GPATCH1: variants seen among roughly 807,000 people sequenced by gnomAD.
The protein encoded by GPATCH1 is G patch domain-containing protein 1.
GPATCH1 carries 73 observed loss-of-function variants against 114.9 expected under a neutral mutation model. The observed-to-expected ratio is 0.64, with a 90% confidence interval of 0.53 to 0.77. The LOEUF (loss-of-function observed/expected upper bound fraction) is 0.77. GPATCH1 is among the 30% of genes least tolerant of loss of function. The pLI, the probability that GPATCH1 is intolerant of heterozygous loss-of-function variation, is 0.00. For synonymous variants in GPATCH1, 391 were observed against 428.4 expected, an observed-to-expected ratio of 0.91 and a Z score of 1.08; for missense variants, 1,058 against 1,144.3, an observed-to-expected ratio of 0.92 and a Z score of 1.09.
At chr19:33,121,112 A>C (rs1465097499) in intron 17 of GPATCH1, among the ~76,000 whole-genome samples, 1 of 151,544 alleles carries the variant, frequency 6.6e-6, no homozygotes, top group African/African-American at 2.4e-5. Context: ...TATTTTTAAA[A>C]TTTTATTTAT....
chr19:33,121,616 G>C (rs767649132), intron 17 of GPATCH1, among the ~76,000 whole-genome samples: 2 of 152,098 alleles, frequency 1.3e-5, no homozygotes, highest in African/African-American at 2.4e-5. Flanking sequence ...ACCGCACCCG[G>C]CCGCCAAGTC....
chr19:33,125,613 T>TGACCTCCGGTGATCTACCTCCC (rs1973032682), intron 18 of GPATCH1, among the ~76,000 whole-genome samples: 1 of 152,026 alleles, frequency 6.6e-6, no homozygotes, highest in Non-Finnish European at 1.5e-5. Context: ...TTTGACCTCC[T>TGACCTCCGGTGATCTACCTCCC]GACCTCCGGT....
intron 8 of GPATCH1, among the ~76,000 whole-genome samples, chr19:33,098,881 G>A (rs946090248): frequency 6.6e-6 from 1 of 151,926 alleles, no homozygotes; most frequent in Non-Finnish European, 1.5e-5. Flanking sequence ...GTGGTCAGTG[G>A]GCTGCTAGTA....
intron 17 of GPATCH1, among the ~76,000 whole-genome samples, chr19:33,122,141 C>T (rs1391946233): frequency 6.6e-6 from 1 of 151,762 alleles, no homozygotes; most frequent in Non-Finnish European, 1.5e-5. Flanking sequence ...TCCTCAGCCT[C>T]TGGAGTAACT....
In GPATCH1 at chr19:33,119,482, G is replaced by A. The variant is rs530910895; in HGVS notation, c.2521+365G>A. ...TGGGAGGCCGAGGTGGGCGGATCAC[G>A]AGGTCAAGAGATCGAGACCATTCTG... On this transcript the variant is annotated intron_variant, in intron 17 of 19. Transcript: ENST00000170564. Among the ~76,000 whole-genome samples, 13 of 149,176 alleles carry A rather than the reference G, an allele frequency of 8.7e-5. No homozygotes were observed. In the East Asian group the frequency reaches 2.0e-3, roughly 23 times the overall value.
At chr19:33,119,884 T>G (rs1035190463) in intron 17 of GPATCH1, among the ~76,000 whole-genome samples, 1 of 147,004 alleles carries the variant, frequency 6.8e-6, no homozygotes, top group Non-Finnish European at 1.5e-5. Context: ...TTATAAAATT[T>G]TATAAAAATA....
intron 8 of GPATCH1, among the ~76,000 whole-genome samples, chr19:33,101,182 G>T (rs533611800): frequency 1.6e-4 from 25 of 152,250 alleles, no homozygotes; most frequent in Non-Finnish European, 5.9e-5. Context: ...ACTCCACGGG[G>T]TATATCCTTT....
At chr19:33,111,927 C>T (rs768027177) in intron 12 of GPATCH1, 25 bp downstream of exon 12, 2 of 1,561,664 alleles carry the variant, frequency 1.3e-6, no homozygotes, top group Non-Finnish European at 8.8e-7. Flanking sequence ...TGTCCCTTAC[C>T]TGGTGAACTT....
intron 10 of GPATCH1, among the ~76,000 whole-genome samples, chr19:33,108,858 C>T (rs896071465): frequency 2.0e-5 from 3 of 152,096 alleles, no homozygotes; most frequent in Admixed American, 2.0e-4. Flanking sequence ...TGTCAGGTTC[C>T]CCATCCTGGA....
Position 33,101,570 on chromosome 19 carries a change from A to G in GPATCH1, c.1076A>G (p.Lys359Arg). 6.5e-7 allele frequency: 1 copy of G among 1,546,196 alleles called. No homozygotes were observed. Among genetic ancestry groups the G allele is most frequent in the Non-Finnish European group, 8.9e-7 (1 of 1,124,190 alleles). Residue 359 changes from lysine (K) to arginine (R), a missense_variant, in exon 9 of 20, where the codon AAG becomes AGG. Physicochemically the swap from Lys to Arg is conservative, Grantham distance 26 (BLOSUM62 2). Transcript: ENST00000170564. ...FSLASKPLSS[K>R]KIYPPPELPR... is the part of the protein sequence containing the mutation. ...TTGGCTTCTAAACCTTTATCTTCTA[A>G]GAAAGTAAGAAAAACTTTTTTTCTT...
Position 33,106,808 on chromosome 19 carries a change from T to C in GPATCH1, c.1194T>C (p.Ala398=), listed in dbSNP as rs766848234. ...SHLLQVLSES[A]GKATPDPGTH... is the part of the protein sequence containing the mutation. ...TACTGCAGGTATTATCAGAGTCAGC[T>C]GGAAAGGCAACGCCTGACCCAGGGA... Residue 398 remains alanine, a synonymous_variant, in exon 10 of 20, where the codon GCT becomes GCC. Transcript: ENST00000170564. 1 of 1,613,768 alleles carries C rather than the reference T, an allele frequency of 6.2e-7. No individual in the cohort carries two copies. Among genetic ancestry groups the C allele is most frequent in the Admixed American group, 1.7e-5 (1 of 59,974 alleles).
intron 17 of GPATCH1, among the ~76,000 whole-genome samples, chr19:33,119,623 G>T (rs963018323): frequency 6.6e-6 from 1 of 151,884 alleles, no homozygotes; most frequent in Non-Finnish European, 1.5e-5. Context: ...GCTTGAACCC[G>T]GGAGGTGGAG....
chr19:33,096,105 T>G lies in GPATCH1; in HGVS notation c.613-102T>G, dbSNP rs1159155839. 4 of 1,209,510 alleles carry G rather than the reference T, an allele frequency of 3.3e-6. No homozygotes were observed. In the African/African-American group the frequency reaches 4.6e-5, roughly 14 times the overall value. The allele number at this position is 1,209,510 out of a possible 1,614,324, so 74.9% of individuals were successfully genotyped here. On this transcript the variant is annotated intron_variant, in intron 6 of 19. Coordinates refer to ENST00000170564, the MANE Select transcript of GPATCH1 (RefSeq NM_018025.3). ...AACAGCACCAATGAAAGTTTGCTAA[T>G]TGTTCTGTGTGGCATTAATCACTGC... is the stretch of plus-strand genomic sequence containing the variant.
At chr19:33,093,635 C>T (rs1285612833) in intron 4 of GPATCH1, 116 bp downstream of exon 4, 1 of 995,406 alleles carries the variant, frequency 1.0e-6, no homozygotes, top group East Asian at 2.4e-5. Flanking sequence ...GGCTCAAAGT[C>T]TAAGTGAAAA....
intron 1 of GPATCH1, among the ~76,000 whole-genome samples, chr19:33,081,828 A>C (rs1972480426): frequency 6.6e-6 from 1 of 152,024 alleles, no homozygotes; most frequent in Non-Finnish European, 1.5e-5. Flanking sequence ...TACTAAGTGC[A>C]GGATTAGGGT....
chr19:33,112,599 T>C lies in GPATCH1; in HGVS notation c.1878T>C (p.Pro626=), dbSNP rs1345156642. 3.1e-6 allele frequency: 5 copies of C among 1,613,796 alleles called. No individual in the cohort carries two copies. The highest frequency in any genetic ancestry group is 4.2e-6 in the Non-Finnish European group (5 of 1,179,784). ...DKLLCKRFNV[P]DPYPDSTLVG... ...TTCTATGTAAGAGATTTAATGTCCCTGACCCTTATCCAGAGTAAGTTGGAT... is the reference window on the plus strand; with the variant it reads ...TTCTATGTAAGAGATTTAATGTCCCCGACCCTTATCCAGAGTAAGTTGGAT... Residue 626 remains proline (P), a synonymous_variant, in exon 13 of 20, where the codon CCT becomes CCC. Coordinates refer to ENST00000170564, the MANE Select transcript of GPATCH1 (RefSeq NM_018025.3).
rs748005966 is a variant in GPATCH1, at chr19:33,101,566, T to A, written c.1072T>A (p.Ser358Thr). The A allele has an allele frequency of 5.8e-6, 9 of 1,562,976 alleles. No homozygotes were observed. Among genetic ancestry groups the A allele is most frequent in the Non-Finnish European group, 7.9e-6 (9 of 1,138,794 alleles). ...TTCCTTGGCTTCTAAACCTTTATCT[T>A]CTAAGAAAGTAAGAAAAACTTTTTT... The part of the protein sequence containing the change: ...GFSLASKPLS[S>T]KKIYPPPELP... Residue 358 changes from serine (S) to threonine (T), a missense_variant, in exon 9 of 20, where the codon TCT becomes ACT. Transcript: ENST00000170564.
intron 11 of GPATCH1, 92 bp downstream of exon 11, chr19:33,110,108 A>G: frequency 8.9e-7 from 1 of 1,118,806 alleles, no homozygotes; most frequent in Non-Finnish European, 1.3e-6. Flanking sequence ...CAGTTGAGGT[A>G]TCCTGTTCTG....
At chr19:33,110,718 A>T (rs1378724762) in intron 11 of GPATCH1, among the ~76,000 whole-genome samples, 1 of 151,708 alleles carries the variant, frequency 6.6e-6, no homozygotes, top group African/African-American at 2.4e-5. Flanking sequence ...GTTGAGGTGA[A>T]CTTATCACTG....
Sources: gnomAD v4.1 joint callset for allele counts (sites outside exome capture counted in the v4.1 genomes callset) on GRCh38, gnomAD v4.1.1 for gene constraint, MANE v1.5 for transcripts, NCBI Gene and HGNC (gene_info 2026-07-23, HGNC 2026-07-21) for gene names.